Variants in COL9A1 observed in about 807,000 individuals in gnomAD.
The protein encoded by COL9A1 is collagen alpha-1(IX) chain.
Under a neutral mutation model 142.6 loss-of-function variants are expected in COL9A1, and 104 were observed. The ratio of observed to expected loss-of-function variants is 0.73; its 90% CI spans 0.62 to 0.86. COL9A1 has a LOEUF of 0.86. Among genes scored for constraint, COL9A1 ranks in the 40% least tolerant of loss-of-function variants. The pLI is 0.00. For missense variants in COL9A1, 1,210 were observed against 1,176.6 expected, an observed-to-expected ratio of 1.03 and a Z score of -0.42; for synonymous variants, 466 against 396.0, an observed-to-expected ratio of 1.18 and a Z score of -2.10.
chr6:70,273,132 G>A (rs1189999813), intron 12 of COL9A1, among the ~76,000 whole-genome samples: 4 of 152,108 alleles, frequency 2.6e-5, no homozygotes, highest in Non-Finnish European at 4.4e-5. Flanking sequence ...ACTTCACATG[G>A]ACAGTATGTT....
intron 10 of COL9A1, among the ~76,000 whole-genome samples, chr6:70,278,250 A>G (rs1772896059): frequency 6.6e-6 from 1 of 152,176 alleles, no homozygotes; most frequent in Non-Finnish European, 1.5e-5. Context: ...TGTTCTCGCT[A>G]TTCTCTCTCA....
chr6:70,238,664 G>A (rs1380283100), intron 33 of COL9A1, among the ~76,000 whole-genome samples: 2 of 152,074 alleles, frequency 1.3e-5, no homozygotes, highest in African/African-American at 2.4e-5. Context: ...GGACATTAGA[G>A]TATTACCATG....
At chr6:70,231,944 A>C (rs1769576134) in intron 36 of COL9A1, among the ~76,000 whole-genome samples, 1 of 151,988 alleles carries the variant, frequency 6.6e-6, no homozygotes, top group South Asian at 2.1e-4. Flanking sequence ...TACCTAACAC[A>C]CTCATAGCCC....
chr6:70,253,275 G>A (rs1327484804), intron 26 of COL9A1, 110 bp downstream of exon 26: 2 of 754,480 alleles, frequency 2.7e-6, no homozygotes, highest in East Asian at 2.7e-5. Flanking sequence ...TTTCTCCCTA[G>A]GGCCAAATAT....
At chr6:70,219,195 T>C (rs1333336637) in intron 37 of COL9A1, among the ~76,000 whole-genome samples, 1 of 152,154 alleles carries the variant, frequency 6.6e-6, no homozygotes, top group Non-Finnish European at 1.5e-5. Context: ...TCATGCACCT[T>C]ATCACTAGGA....
Position 70,216,473 on chromosome 6 carries a change from C to T in COL9A1, c.*424G>A, listed in dbSNP as rs1768511083. The T allele has an allele frequency of 4.6e-6, 1 of 216,086 alleles. No individual in the cohort carries two copies. Among genetic ancestry groups the T allele is most frequent in the South Asian group, 7.2e-5 (1 of 13,836 alleles). The allele number at this position is 216,086 out of a possible 1,614,324, so 13.4% of individuals were successfully genotyped here. On this transcript the variant is annotated 3_prime_UTR_variant, in exon 38 of 38. Coordinates refer to ENST00000357250, the MANE Select transcript of COL9A1 (RefSeq NM_001851.6). ...ACTAGTCTAGTAATCCTCTATATAA[C>T]TGAAACAATAATCTGAGAACAACTT...
At chr6:70,263,483 G>T (rs977637774) in intron 18 of COL9A1, among the ~76,000 whole-genome samples, 186 bp from the exon 19 acceptor site, 9 of 151,942 alleles carry the variant, frequency 5.9e-5, no homozygotes, top group African/African-American at 1.9e-4. Context: ...ATACAGAGAA[G>T]CCTACATATA....
At chr6:70,259,992 C>G (rs1771570319) in intron 20 of COL9A1, among the ~76,000 whole-genome samples, 1 of 152,034 alleles carries the variant, frequency 6.6e-6, no homozygotes, top group African/African-American at 2.4e-5. Context: ...CCTTGGCTTA[C>G]CTCTCCTTTT....
chr6:70,245,961 C>G (rs1770579888), intron 28 of COL9A1: 1 of 151,980 alleles, frequency 6.6e-6, no homozygotes, highest in East Asian at 1.9e-4. Flanking sequence ...TCCCAAAAAC[C>G]AAAAATAATG....
chr6:70,241,215 G>C (rs1240904774), intron 31 of COL9A1, among the ~76,000 whole-genome samples: 1 of 152,152 alleles, frequency 6.6e-6, no homozygotes, highest in African/African-American at 2.4e-5. Flanking sequence ...CTGGAGCAGA[G>C]CCATCTTTAG....
intron 5 of COL9A1, among the ~76,000 whole-genome samples, chr6:70,286,162 TA>T (rs111715279): frequency 0.019 from 2,942 of 152,272 alleles, 80 homozygotes; most frequent in African/African-American, 0.067. Flanking sequence ...TCTGGGATTA[TA>T]AGGTGTGAGC....
intron 28 of COL9A1, among the ~76,000 whole-genome samples, chr6:70,251,214 C>T (rs971685441): frequency 6.6e-6 from 1 of 152,086 alleles, no homozygotes; most frequent in Non-Finnish European, 1.5e-5. Context: ...AACCTTGAAA[C>T]ATTATGCTAA....
chr6:70,215,318 T>TATTTGGATTGATTTA (rs1446344029), downstream of COL9A1: 1 of 152,176 alleles, frequency 6.6e-6, no homozygotes, highest in Non-Finnish European at 1.5e-5. Context: ...AAATACAGAT[T>TATTTGGATTGATTTA]ACATAATGAT....
chr6:70,281,635 G>A (rs1189603028), intron 7 of COL9A1, among the ~76,000 whole-genome samples, 171 bp from the exon 8 acceptor site: 1 of 152,110 alleles, frequency 6.6e-6, no homozygotes. Context: ...GCGCAGCTTT[G>A]GTCTCCGCCA....
At chr6:70,276,371 A>C (rs1276046166) in intron 10 of COL9A1, among the ~76,000 whole-genome samples, 2 of 152,226 alleles carry the variant, frequency 1.3e-5, no homozygotes, top group Admixed American at 6.5e-5. Context: ...TCCAAGACCA[A>C]TTCTGTTCAA....
rs184458645 is a variant in COL9A1 at position 70,222,746 on chromosome 6, T to A, written c.2581+3186A>T. 2.1e-3 allele frequency: 316 copies of A among 152,162 alleles called. 3 individuals are homozygous for A. Among genetic ancestry groups the A allele is most frequent in the African/African-American group, 5.8e-3 (241 of 41,530 alleles). The allele number at this position is 152,162 out of a possible 1,614,324, so 9.4% of individuals were successfully genotyped here. On this transcript the variant is annotated intron_variant, in intron 37 of 37. Coordinates refer to ENST00000357250, the MANE Select transcript of COL9A1 (RefSeq NM_001851.6). ...AAAGAATGATCCAACTATCTTTTTTTTTTTTATTCAGGAGGATTTGAGCCC... is the reference window on the plus strand; with the variant it reads ...AAAGAATGATCCAACTATCTTTTTTATTTTTATTCAGGAGGATTTGAGCCC...
chr6:70,260,059 G>A (rs1322298827), intron 20 of COL9A1, among the ~76,000 whole-genome samples: 4 of 152,092 alleles, frequency 2.6e-5, no homozygotes, highest in African/African-American at 9.7e-5. Context: ...CTGTGCCAGT[G>A]TTATCAAAGC....
intron 5 of COL9A1, among the ~76,000 whole-genome samples, chr6:70,287,810 C>T (rs1773514040): frequency 6.6e-6 from 1 of 152,170 alleles, no homozygotes. Flanking sequence ...TTTCCCTTGA[C>T]TTTCAGGGCA....
intron 36 of COL9A1, among the ~76,000 whole-genome samples, chr6:70,231,532 C>A (rs1463666801): frequency 6.6e-6 from 1 of 151,970 alleles, no homozygotes; most frequent in Non-Finnish European, 1.5e-5. Context: ...CAGTTAGACC[C>A]CATTTTTTTA....
Sources: gnomAD v4.1 joint callset for allele counts (sites outside exome capture counted in the v4.1 genomes callset) on GRCh38, gnomAD v4.1.1 for gene constraint, MANE v1.5 for transcripts, NCBI Gene and HGNC (gene_info 2026-07-23, HGNC 2026-07-21) for gene names.